The following BMPR1B variants were observed in gnomAD, a reference collection of about 807,000 sequenced individuals.
BMPR1B encodes bone morphogenetic protein receptor type-1B.
BMPR1B carries 12 observed loss-of-function variants against 59.1 expected under a neutral mutation model. The observed-to-expected ratio is 0.20, with a 90% CI of 0.13 to 0.33. BMPR1B has a LOEUF of 0.33. BMPR1B is among the 10% of genes least tolerant of loss of function. The probability of loss-of-function intolerance (pLI) is 1.00; values close to 1 mark genes in which losing one functional copy is unlikely to be tolerated. For synonymous variants in BMPR1B, 237 were observed against 207.3 expected, an observed-to-expected ratio of 1.14 and a Z score of -1.23; for missense variants, 550 against 610.9, an observed-to-expected ratio of 0.90 and a Z score of 1.05.
chr4:94,967,873 C>T (rs1158427112), intron 2 of BMPR1B, among the ~76,000 whole-genome samples: 2 of 152,092 alleles, frequency 1.3e-5, no homozygotes, highest in Non-Finnish European at 2.9e-5. Flanking sequence ...ATACGCTATT[C>T]ATGTCATAGA....
intron 2 of BMPR1B, among the ~76,000 whole-genome samples, chr4:94,974,699 G>A (rs893559802): frequency 2.0e-5 from 3 of 152,102 alleles, no homozygotes; most frequent in Admixed American, 2.0e-4. Context: ...CTTCCCAGCT[G>A]TATTGAAACT....
intron 3 of BMPR1B, among the ~76,000 whole-genome samples, chr4:95,055,147 T>C (rs73838007): frequency 0.041 from 6,292 of 152,234 alleles, 445 homozygotes; most frequent in African/African-American, 0.14. Flanking sequence ...CAAGTCTCCA[T>C]GGTCTGTACA....
chr4:95,106,370 C>G (rs1435975524), intron 4 of BMPR1B, among the ~76,000 whole-genome samples: 1 of 151,880 alleles, frequency 6.6e-6, no homozygotes, highest in Non-Finnish European at 1.5e-5. Flanking sequence ...AATTCAAGAA[C>G]AGTTAGGTCA....
At chr4:94,778,253 TTCACTGGTTTTTAAAAAATAATTTTA>T (rs986268642) in intron 1 of BMPR1B, among the ~76,000 whole-genome samples, 5 of 152,282 alleles carry the variant, frequency 3.3e-5, no homozygotes, top group Admixed American at 3.3e-4. Context: ...ATGTTTATTA[TTCACTGGTTTTTAAAAAATAATTTTA>T]TCATATATGT....
At chr4:95,033,235 G>T (rs1725005985) in intron 3 of BMPR1B, among the ~76,000 whole-genome samples, 1 of 150,944 alleles carries the variant, frequency 6.6e-6, no homozygotes, top group Non-Finnish European at 1.5e-5. Context: ...CATCCCTTAG[G>T]TTGCCTTTTC....
At chr4:95,140,604 C>G (rs1242231293) in intron 10 of BMPR1B, among the ~76,000 whole-genome samples, 1 of 152,080 alleles carries the variant, frequency 6.6e-6, no homozygotes, top group Non-Finnish European at 1.5e-5. Flanking sequence ...CTGTACTACT[C>G]TTTAATTTCC....
intron 2 of BMPR1B, among the ~76,000 whole-genome samples, chr4:94,929,793 C>G (rs562191119): frequency 6.6e-6 from 1 of 151,998 alleles, no homozygotes; most frequent in Admixed American, 6.6e-5. Context: ...GATTTCTGCA[C>G]GTCTCCACTT....
In BMPR1B at chr4:95,156,207, A is replaced by G. The variant is rs766867649; in HGVS notation, c.*1534A>G. The G allele has an allele frequency of 1.3e-5, 2 of 152,170 alleles. No homozygotes were observed. Among genetic ancestry groups the G allele is most frequent in the Non-Finnish European group, 2.9e-5 (2 of 68,020 alleles). The allele number at this position is 152,170 out of a possible 1,614,324, so 9.4% of individuals were successfully genotyped here. ...TGAATACAATACAGTTTAAAGTTGT[A>G]CACATCCTGCTCAACTTTATTCATA... On this transcript the variant is annotated 3_prime_UTR_variant, in exon 13 of 13. Coordinates refer to ENST00000515059, the MANE Select transcript of BMPR1B (RefSeq NM_001203.3).
At chr4:95,031,887 C>G (rs1227264285) in intron 3 of BMPR1B, among the ~76,000 whole-genome samples, 2 of 152,188 alleles carry the variant, frequency 1.3e-5, no homozygotes, top group Non-Finnish European at 2.9e-5. Flanking sequence ...GGTCGTGCCA[C>G]TGTACTCCAG....
chr4:95,092,540 T>C (rs547972530), intron 3 of BMPR1B, among the ~76,000 whole-genome samples: 7 of 152,124 alleles, frequency 4.6e-5, no homozygotes, highest in African/African-American at 1.2e-4. Context: ...TAGTTGATAA[T>C]AGTGTTTAGC....
intron 2 of BMPR1B, among the ~76,000 whole-genome samples, chr4:94,934,203 T>C (rs1729201458): frequency 6.6e-6 from 1 of 152,220 alleles, no homozygotes; most frequent in African/African-American, 2.4e-5. Flanking sequence ...AGATTCATCA[T>C]ATGAAATCAT....
intron 2 of BMPR1B, among the ~76,000 whole-genome samples, chr4:94,938,631 A>G (rs1032563117): frequency 2.0e-5 from 3 of 152,336 alleles, no homozygotes; most frequent in South Asian, 4.1e-4. Context: ...AGAGGCCTCA[A>G]GATGCTTTGG....
intron 3 of BMPR1B, among the ~76,000 whole-genome samples, chr4:95,101,501 CCTTTTAGAAGTA>C (rs1301373685): frequency 6.6e-6 from 1 of 152,050 alleles, no homozygotes; most frequent in African/African-American, 2.4e-5. Context: ...TCCCCTTCCC[CCTTTTAGAAGTA>C]CTTTTAGAAG....
At position 94,972,704 on chromosome 4, in the gene BMPR1B, C is replaced by A. The variant is rs115219681; in HGVS notation, c.-112-23336C>A. Among the ~76,000 whole-genome samples the A allele has an allele frequency of 8.4e-3, 1,274 of 152,054 alleles. 17 individuals carry two copies. Among genetic ancestry groups the A allele is most frequent in the African/African-American group, 0.029 (1,201 of 41,456 alleles). ...AAAGAGTACGAACTTTAGAGTCAGA[C>A]CTATGCAAGTTTCAGCTCTGGATAT... On this transcript the variant is annotated intron_variant, in intron 2 of 12. Coordinates refer to ENST00000515059, the MANE Select transcript of BMPR1B (RefSeq NM_001203.3).
At chr4:95,134,572 A>G (rs1237166201) in intron 10 of BMPR1B, among the ~76,000 whole-genome samples, 1 of 152,202 alleles carries the variant, frequency 6.6e-6, no homozygotes, top group Non-Finnish European at 1.5e-5. Context: ...GACTGGTGTG[A>G]GATGGCATCT....
At chr4:94,804,015 A>G (rs1052530191) in intron 1 of BMPR1B, among the ~76,000 whole-genome samples, 1 of 151,972 alleles carries the variant, frequency 6.6e-6, no homozygotes, top group African/African-American at 2.4e-5. Flanking sequence ...AGTAGCTGGG[A>G]CTACAGGCAC....
intron 8 of BMPR1B, among the ~76,000 whole-genome samples, chr4:95,129,146 A>G (rs900429675): frequency 6.6e-6 from 1 of 152,204 alleles, no homozygotes; most frequent in African/African-American, 2.4e-5. Flanking sequence ...TATTCTGCAA[A>G]TGGTTTCCTC....
chr4:94,898,733 G>A (rs527461034), intron 2 of BMPR1B, among the ~76,000 whole-genome samples: 23 of 151,908 alleles, frequency 1.5e-4, no homozygotes, highest in African/African-American at 5.3e-4. Flanking sequence ...ATTTTTCTAG[G>A]CCTGGTTCTT....
intron 3 of BMPR1B, among the ~76,000 whole-genome samples, chr4:95,067,843 C>G (rs73838014): frequency 2.6e-5 from 4 of 151,948 alleles, no homozygotes; most frequent in Non-Finnish European, 5.9e-5. Flanking sequence ...AGATGGAGGT[C>G]GCGGGGGCAA....
Sources: gnomAD v4.1 joint callset for allele counts (sites outside exome capture counted in the v4.1 genomes callset) on GRCh38, gnomAD v4.1.1 for gene constraint, MANE v1.5 for transcripts, NCBI Gene and HGNC (gene_info 2026-07-23, HGNC 2026-07-21) for gene names.